Variants in FAM120A observed in about 807,000 individuals in gnomAD.
FAM120A encodes family with sequence similarity 120 member A, also known as constitutive coactivator of PPAR-gamma-like protein 1.
Under a neutral mutation model 109.7 loss-of-function variants are expected in FAM120A, and 15 were observed. That is an observed-to-expected ratio of 0.14 (90% CI 0.09 to 0.21). The LOEUF is 0.21. FAM120A is among the 10% of genes least tolerant of loss of function. The pLI, the probability that FAM120A is intolerant of heterozygous loss-of-function variation, is 1.00. For missense variants in FAM120A, 899 were observed against 1,439.3 expected, an observed-to-expected ratio of 0.62 and a Z score of 6.07; for synonymous variants, 493 against 572.8, an observed-to-expected ratio of 0.86 and a Z score of 1.99.
At chr9:93,554,120 T>TACACAAACACACACACAC (rs1862199699) in intron 12 of FAM120A, among the ~76,000 whole-genome samples, 1 of 87,402 alleles carries the variant, frequency 1.1e-5, no homozygotes, top group Non-Finnish European at 2.3e-5. Flanking sequence ...GGCCATTTGA[T>TACACAAACACACACACAC]ACACACACAC....
intron 12 of FAM120A, 50 bp from the exon 13 acceptor site, chr9:93,556,332 T>G (rs919443553): frequency 6.8e-7 from 1 of 1,472,610 alleles, no homozygotes; most frequent in African/African-American, 1.4e-5. Flanking sequence ...TGAAAGAATT[T>G]AATACTGTAG....
intron 7 of FAM120A, among the ~76,000 whole-genome samples, chr9:93,525,288 T>C (rs1300711838): frequency 6.6e-6 from 1 of 152,074 alleles, no homozygotes; most frequent in Non-Finnish European, 1.5e-5. Context: ...GTGCCTCGGC[T>C]CTCCAGTTTT....
chr9:93,526,748 T>C (rs540593868), intron 7 of FAM120A, among the ~76,000 whole-genome samples: 17 of 152,378 alleles, frequency 1.1e-4, no homozygotes, highest in African/African-American at 3.8e-4. Context: ...TTATAACTTA[T>C]GTGTAGTATT....
At chr9:93,463,170 T>C (rs1255801844) in intron 1 of FAM120A, among the ~76,000 whole-genome samples, 1 of 152,186 alleles carries the variant, frequency 6.6e-6, no homozygotes, top group African/African-American at 2.4e-5. Context: ...TATATTCTTG[T>C]TGACATTTGT....
intron 7 of FAM120A, among the ~76,000 whole-genome samples, chr9:93,522,346 A>G (rs1377156530): frequency 2.6e-5 from 4 of 152,218 alleles, no homozygotes; most frequent in African/African-American, 9.6e-5. Flanking sequence ...ATTGGTGAAT[A>G]TTCAAGCACC....
intron 11 of FAM120A, among the ~76,000 whole-genome samples, chr9:93,545,774 A>G: frequency 9.3e-6 from 1 of 107,914 alleles, no homozygotes; most frequent in African/African-American, 3.0e-5. Context: ...CTGATGGGAA[A>G]GACTCCTTTT....
chr9:93,513,684 T>C (rs6479492), intron 5 of FAM120A, among the ~76,000 whole-genome samples: 82,843 of 151,960 alleles, frequency 0.55, 23,096 homozygotes, highest in African/African-American at 0.64. Flanking sequence ...GAACCTCAGA[T>C]AAATTGTAGT....
intron 3 of FAM120A, among the ~76,000 whole-genome samples, chr9:93,494,356 G>C (rs1233954143): frequency 6.6e-6 from 1 of 152,198 alleles, no homozygotes; most frequent in Non-Finnish European, 1.5e-5. Flanking sequence ...TTGTAGCCCG[G>C]ATGCTATGGG....
At chr9:93,453,346 T>C in intron 1 of FAM120A, 1 of 985,724 alleles carries the variant, frequency 1.0e-6, no homozygotes, top group Non-Finnish European at 1.2e-6. Flanking sequence ...GACCCAGCAG[T>C]GACTGTGAAG....
chr9:93,468,488 C>G (rs1858156280), intron 1 of FAM120A, among the ~76,000 whole-genome samples: 1 of 152,066 alleles, frequency 6.6e-6, no homozygotes, highest in Non-Finnish European at 1.5e-5. Context: ...TATAATAGTA[C>G]TTCTTCAGCT....
At chr9:93,464,435 A>C (rs1857924557) in intron 1 of FAM120A, among the ~76,000 whole-genome samples, 1 of 152,172 alleles carries the variant, frequency 6.6e-6, no homozygotes, top group Admixed American at 6.5e-5. Context: ...TGTCAACACT[A>C]ATGACACCTA....
intron 11 of FAM120A, among the ~76,000 whole-genome samples, chr9:93,547,165 T>C (rs1412661674): frequency 6.6e-6 from 1 of 152,088 alleles, no homozygotes; most frequent in Non-Finnish European, 1.5e-5. Context: ...GCAGGTCTTT[T>C]TGGGGATGCA....
intron 1 of FAM120A, among the ~76,000 whole-genome samples, chr9:93,464,378 G>A (rs1857921718): frequency 6.6e-6 from 1 of 152,194 alleles, no homozygotes; most frequent in African/African-American, 2.4e-5. Context: ...GAAGTACAGA[G>A]TACTTTCTTG....
At position 93,452,832 on chromosome 9, in the gene FAM120A, A is replaced by G; in HGVS notation, c.474+443A>G. 6.5e-7 allele frequency: 1 copy of G among 1,540,802 alleles called. No individual in the cohort carries two copies. Among genetic ancestry groups the G allele is most frequent in the South Asian group, 1.2e-5 (1 of 85,024 alleles). The stretch of plus-strand genomic sequence containing the variant: ...GGAAGCAGGCAGGATACAGAGTAAT[A>G]GAGGGGGTTTCGCCAGAGCCCTTGG... On this transcript the variant is annotated intron_variant, in intron 1 of 17. Transcript: ENST00000277165. This position sits in a 1 kb window ranked among gnomAD's most constrained non-coding sequence, Gnocchi z 7.0.
At position 93,521,449 on chromosome 9, in the gene FAM120A, G is replaced by T. The variant is rs556787773; in HGVS notation, c.1418+5180G>T. 5.3e-5 allele frequency among the ~76,000 whole-genome samples: 8 copies of T among 152,156 alleles called. No homozygotes were observed. In the East Asian group the frequency reaches 1.6e-3, roughly 29 times the overall value. On this transcript the variant is annotated intron_variant, in intron 7 of 17. Coordinates refer to ENST00000277165, the MANE Select transcript of FAM120A (RefSeq NM_014612.5). ...ATTTAAAAATTAGCCAGACATGGTG[G>T]CATGTGCCTGTGGGTCCAGCAACCT... is the stretch of plus-strand genomic sequence containing the variant.
intron 4 of FAM120A, among the ~76,000 whole-genome samples, chr9:93,497,947 C>T (rs1859642789): frequency 6.6e-6 from 1 of 152,224 alleles, no homozygotes; most frequent in Non-Finnish European, 1.5e-5. Context: ...TGAACTGTAT[C>T]AAGTCAGTCA....
rs1045100712 is a variant in FAM120A, at chr9:93,473,037, A to T, written c.721+1650A>T. 1.0e-3 allele frequency among the ~76,000 whole-genome samples: 148 copies of T among 144,340 alleles called. 1 individual carries two copies. The highest frequency in any genetic ancestry group is 1.8e-3 in the Non-Finnish European group (121 of 66,122). The allele number at this position is 144,340 out of a possible 152,430, so 94.7% of individuals were successfully genotyped here. A position where few individuals can be genotyped will look rare whatever the true frequency, so the allele number is the denominator to read the frequency against. ...TCTTTGGACAATTTTTTTTTTTTTTAAATGGAGTCTTGCTTTGTTGCCCAG... is the reference window on the plus strand; with the variant it reads ...TCTTTGGACAATTTTTTTTTTTTTTTAATGGAGTCTTGCTTTGTTGCCCAG... On this transcript the variant is annotated intron_variant, in intron 2 of 17. Transcript: ENST00000277165.
intron 3 of FAM120A, among the ~76,000 whole-genome samples, chr9:93,484,995 C>G (rs142918228): frequency 6.6e-6 from 1 of 152,334 alleles, no homozygotes; most frequent in East Asian, 1.9e-4. Context: ...GAGTTCAAAA[C>G]GTCAGCCCTG....
intron 1 of FAM120A, among the ~76,000 whole-genome samples, chr9:93,454,758 G>A (rs368219829): frequency 3.9e-5 from 6 of 152,164 alleles, no homozygotes; most frequent in African/African-American, 1.4e-4. Context: ...TTAATATTCA[G>A]CATTCTCTGT....
Sources: allele counts gnomAD v4.1 joint callset (sites outside exome capture counted in the v4.1 genomes callset), GRCh38; gene constraint gnomAD v4.1.1; non-coding constraint Gnocchi (gnomAD v3.1); transcripts MANE v1.5; gene names NCBI Gene and HGNC (gene_info 2026-07-23, HGNC 2026-07-21).